The following PAPPA variants were observed in gnomAD, a reference collection of about 807,000 sequenced individuals.
PAPPA encodes pappalysin 1, also known as pappalysin-1.
Under a neutral mutation model 164.0 loss-of-function variants are expected in PAPPA, and 60 were observed. The observed-to-expected ratio is 0.37, with a 90% confidence interval of 0.30 to 0.45. PAPPA has a LOEUF of 0.45. PAPPA is among the 20% of genes least tolerant of loss of function. The pLI is 1.00. For missense variants in PAPPA, 1,782 were observed against 2,087.3 expected (o/e 0.85, Z 2.85); for synonymous variants, 875 against 814.1 (o/e 1.07, Z -1.27).
intron 1 of PAPPA, among the ~76,000 whole-genome samples, chr9:116,166,394 A>G (rs1026620293): frequency 3.9e-5 from 6 of 152,002 alleles, no homozygotes; most frequent in East Asian, 3.9e-4. Context: ...TTGCCTCTCA[A>G]ATTTCCCTCT....
chr9:116,154,247 CCG>C lies in PAPPA; in HGVS notation c.77_78del (p.Arg26ProfsTer116). ...TGGGCTGCGGGCTGGCCGAGCGTCC[CCG>C]CCGGGCCCGGAGAGACCCGCGGGCC... is the stretch of plus-strand genomic sequence containing the variant. ...ALGCGLAERPRRARRDPRAGR... is the reference protein window; with the variant it reads ...ALGCGLAERPXRARRDPRAGR... On this transcript the variant is annotated frameshift_variant, in exon 1 of 22. Transcript: ENST00000328252. LOFTEE classifies it high-confidence loss of function. This position sits in a 1 kb window ranked among gnomAD's most constrained non-coding sequence, Gnocchi z 5.2. 1 of 1,381,458 alleles carries C rather than the reference CCG, an allele frequency of 7.2e-7. No homozygotes were observed. Among genetic ancestry groups the C allele is most frequent in the South Asian group, 1.3e-5 (1 of 75,596 alleles). The allele number at this position is 1,381,458 out of a possible 1,614,324, so 85.6% of individuals were successfully genotyped here. A position where few individuals can be genotyped will look rare whatever the true frequency, so the allele number is the denominator to read the frequency against.
intron 19 of PAPPA, among the ~76,000 whole-genome samples, chr9:116,374,055 GAT>G (rs1846612464): frequency 6.6e-6 from 1 of 152,086 alleles, no homozygotes; most frequent in Admixed American, 6.5e-5. Context: ...TGGAGGTGGT[GAT>G]GTTAGTGATG....
At chr9:116,217,843 C>T (rs143125229) in intron 4 of PAPPA, among the ~76,000 whole-genome samples, 38 of 152,304 alleles carry the variant, frequency 2.5e-4, no homozygotes, top group African/African-American at 7.9e-4. Context: ...ATCACTTGTC[C>T]ATTTGACTCC....
chr9:116,207,412 T>TAAATAGTA (rs765012612), intron 2 of PAPPA, 44 bp from the exon 3 acceptor site: 1 of 1,571,118 alleles, frequency 6.4e-7, no homozygotes, highest in Non-Finnish European at 8.7e-7. Context: ...GCCTGTTATC[T>TAAATAGTA]TTTTGGGGGC....
chr9:116,282,190 C>A (rs1260613431), intron 9 of PAPPA, among the ~76,000 whole-genome samples: 1 of 152,176 alleles, frequency 6.6e-6, no homozygotes, highest in Admixed American at 6.6e-5. Context: ...TTGCATGTAA[C>A]CTATGCACAC....
chr9:116,260,707 A>G (rs191844497), intron 7 of PAPPA, among the ~76,000 whole-genome samples: 2 of 152,262 alleles, frequency 1.3e-5, no homozygotes, highest in East Asian at 3.9e-4. Flanking sequence ...TTGCAGAACT[A>G]ATCATCACAT....
At chr9:116,355,472 C>G (rs1423215185) in intron 17 of PAPPA, among the ~76,000 whole-genome samples, 7 of 152,186 alleles carry the variant, frequency 4.6e-5, no homozygotes, top group African/African-American at 1.7e-4. Context: ...CTCATACACT[C>G]TCGGCGTCTG....
rs575932592 is a variant in PAPPA at position 116,399,787 on chromosome 9, G to C, written c.*3171G>C. On this transcript the variant is annotated 3_prime_UTR_variant, in exon 22 of 22. Coordinates refer to ENST00000328252, the MANE Select transcript of PAPPA (RefSeq NM_002581.5). ...GAATTGGGGTGTTAAGGAAGGGAAA[G>C]ATTGTCATAGATGGTAGGGCTTTGA... 3.3e-5 allele frequency: 5 copies of C among 152,566 alleles called. No individual in the cohort carries two copies. The highest frequency in any genetic ancestry group is 6.6e-5 in the Admixed American group (1 of 15,250). 9.5% of individuals were successfully genotyped at this position (152,566 alleles called of 1,614,324 possible). A position where few individuals can be genotyped will look rare whatever the true frequency, so the allele number is the denominator to read the frequency against.
At position 116,400,012 on chromosome 9, in the gene PAPPA, C is replaced by G. The variant is rs906065451; in HGVS notation, c.*3396C>G. Reference sequence around the variant, plus strand: ...TGTCAATTTGTTGTTATAGGTCTTACCTGTGTGAAAGAAAGAAAAAGAAAG... The same window carrying G: ...TGTCAATTTGTTGTTATAGGTCTTAGCTGTGTGAAAGAAAGAAAAAGAAAG... On this transcript the variant is annotated 3_prime_UTR_variant, in exon 22 of 22. Transcript: ENST00000328252. 10 of 151,908 alleles carry G rather than the reference C, an allele frequency of 6.6e-5. No individual in the cohort carries two copies. Among genetic ancestry groups the G allele is most frequent in the African/African-American group, 2.2e-4 (9 of 41,200 alleles). The allele number at this position is 151,908 out of a possible 1,614,324, so 9.4% of individuals were successfully genotyped here.
chr9:116,345,442 A>C (rs1276277832), intron 14 of PAPPA, among the ~76,000 whole-genome samples: 1 of 151,866 alleles, frequency 6.6e-6, no homozygotes, highest in Non-Finnish European at 1.5e-5. Context: ...ATGAGAAAAA[A>C]AAAAAAAAAA....
chr9:116,352,998 C>A, intron 16 of PAPPA, 82 bp downstream of exon 16: 1 of 966,356 alleles, frequency 1.0e-6, no homozygotes. Context: ...CGGAAGCACT[C>A]ATTTCTTCAC....
At chr9:116,382,922 G>T (rs553891847) in intron 21 of PAPPA, among the ~76,000 whole-genome samples, 1 of 152,252 alleles carries the variant, frequency 6.6e-6, no homozygotes, top group Admixed American at 6.5e-5. Flanking sequence ...AAATCCCAGT[G>T]AGAACACACA....
In PAPPA at chr9:116,353,619, A is replaced by C. The variant is rs1367572631; in HGVS notation, c.4176-3A>C. The stretch of plus-strand genomic sequence containing the variant: ...TGTCTCCTGTTTGATCCTTTCCTTG[A>C]AGACGGGCCTTCAAGACTCAGTGTA... On this transcript the variant is annotated splice_polypyrimidine_tract_variant and splice_region_variant and intron_variant, in intron 16 of 21. Transcript: ENST00000328252. The C allele has an allele frequency of 6.2e-7, 1 of 1,613,330 alleles. No homozygotes were observed. Among genetic ancestry groups the C allele is most frequent in the Non-Finnish European group, 8.5e-7 (1 of 1,179,650 alleles).
intron 1 of PAPPA, among the ~76,000 whole-genome samples, chr9:116,166,765 CTG>C (rs968429375): frequency 6.6e-6 from 1 of 152,194 alleles, no homozygotes; most frequent in Non-Finnish European, 1.5e-5. Context: ...GGTGATGAAA[CTG>C]GAATTCTCAT....
intron 7 of PAPPA, among the ~76,000 whole-genome samples, chr9:116,261,790 G>T (rs1845005234): frequency 6.6e-6 from 1 of 152,096 alleles, no homozygotes; most frequent in Non-Finnish European, 1.5e-5. Flanking sequence ...AACCAGAAAT[G>T]CCAGCATTTT....
intron 5 of PAPPA, 112 bp from the exon 6 acceptor site, chr9:116,227,319 G>A (rs1844525464): frequency 3.6e-6 from 4 of 1,125,144 alleles, no homozygotes; most frequent in Non-Finnish European, 5.2e-6. Flanking sequence ...AGGAAAGGGG[G>A]AAACACAGAT....
Position 116,187,104 on chromosome 9 carries a change from C to T in PAPPA, c.416-50C>T, listed in dbSNP as rs758253292. ...TTAGAGAAAAATAACTTAACCCCCC[C>T]TCCTTTTCCATCCTTTATTTATTCA... On this transcript the variant is annotated intron_variant, in intron 1 of 21. Coordinates refer to ENST00000328252, the MANE Select transcript of PAPPA (RefSeq NM_002581.5). This position sits in a 1 kb window ranked among gnomAD's most constrained non-coding sequence, Gnocchi z 4.2. The T allele has an allele frequency of 2.2e-6, 3 of 1,347,928 alleles. No homozygotes were observed. In the African/African-American group the frequency reaches 4.3e-5, roughly 19 times the overall value. 83.5% of individuals were successfully genotyped at this position (1,347,928 alleles called of 1,614,324 possible).
Position 116,154,502 on chromosome 9 carries a change from C to G in PAPPA, c.330C>G (p.Ala110=), listed in dbSNP as rs552300047. ...SGRGEQLRLR[A]DLELPRDAFT... ...GAGGCGAGCAGCTGCGCCTCCGGGC[C>G]GACCTCGAGCTGCCCCGGGACGCGT... The change falls in exon 1 of 22, where the codon GCC becomes GCG. Residue 110 remains alanine, a synonymous_variant. Coordinates refer to ENST00000328252, the MANE Select transcript of PAPPA (RefSeq NM_002581.5). This position sits in a 1 kb window ranked among gnomAD's most constrained non-coding sequence, Gnocchi z 5.2. 53 of 1,352,894 alleles carry G rather than the reference C, an allele frequency of 3.9e-5. No homozygotes were observed. In the South Asian group the frequency reaches 7.4e-4, roughly 19 times the overall value. 83.8% of individuals were successfully genotyped at this position (1,352,894 alleles called of 1,614,324 possible). A position where few individuals can be genotyped will look rare whatever the true frequency, so the allele number is the denominator to read the frequency against.
Position 116,400,969 on chromosome 9 carries a change from G to C in PAPPA, c.*4353G>C, listed in dbSNP as rs998655338. 6.6e-6 allele frequency: 1 copy of C among 152,570 alleles called. No homozygotes were observed. Among genetic ancestry groups the C allele is most frequent in the Non-Finnish European group, 1.5e-5 (1 of 68,028 alleles). 9.5% of individuals were successfully genotyped at this position (152,570 alleles called of 1,614,324 possible). On this transcript the variant is annotated 3_prime_UTR_variant, in exon 22 of 22. Transcript: ENST00000328252. ...TCACAGTGGGAGGGCAGGAGATTTTGAGGCCCTGAGGTTTTAGGTGGGCTG... is the reference window on the plus strand; with the variant it reads ...TCACAGTGGGAGGGCAGGAGATTTTCAGGCCCTGAGGTTTTAGGTGGGCTG...
Sources: gnomAD v4.1 joint callset for allele counts (sites outside exome capture counted in the v4.1 genomes callset) on GRCh38, gnomAD v4.1.1 for gene constraint, Gnocchi (gnomAD v3.1) non-coding constraint, MANE v1.5 for transcripts, NCBI Gene and HGNC (gene_info 2026-07-23, HGNC 2026-07-21) for gene names.